The following SUPT3H variants were observed in gnomAD, a reference collection of about 807,000 sequenced individuals.
SUPT3H encodes SPT3 homolog, SAGA and STAGA complex component, also known as transcription initiation protein SPT3 homolog.
In SUPT3H, 44 loss-of-function variants were observed where a neutral mutation model predicts 44.3. That is an observed-to-expected ratio of 0.99 (90% CI 0.78 to 1.28). The LOEUF (loss-of-function observed/expected upper bound fraction) is 1.28. Among genes scored for constraint, SUPT3H ranks in the 50% most tolerant of loss-of-function variants. SUPT3H has a pLI of 0.00. For missense variants in SUPT3H, 380 were observed against 387.1 expected (o/e 0.98, Z 0.15); for synonymous variants, 124 against 125.6 (o/e 0.99, Z 0.09).
chr6:44,930,522 C>T (rs1398339880), intron 10 of SUPT3H, among the ~76,000 whole-genome samples: 1 of 143,476 alleles, frequency 7.0e-6, no homozygotes, highest in Non-Finnish European at 1.5e-5. Context: ...TGAGATCGTA[C>T]CAATGCACTC....
intron 3 of SUPT3H, among the ~76,000 whole-genome samples, chr6:45,029,463 A>G (rs1310322028): frequency 6.6e-6 from 1 of 151,690 alleles, no homozygotes; most frequent in Non-Finnish European, 1.5e-5. Flanking sequence ...AAAATATCCA[A>G]TAAACAATAA....
At chr6:45,267,809 G>GA (rs1416699720) in intron 2 of SUPT3H, among the ~76,000 whole-genome samples, 1 of 150,100 alleles carries the variant, frequency 6.7e-6, no homozygotes, top group East Asian at 1.9e-4. Context: ...AAAAGAAAAA[G>GA]AAAAAAAGCA....
intron 2 of SUPT3H, among the ~76,000 whole-genome samples, chr6:45,299,750 G>C (rs1217572908): frequency 3.7e-5 from 5 of 135,500 alleles, no homozygotes; most frequent in African/African-American, 1.4e-4. Flanking sequence ...CCCCGGCTCT[G>C]CCAAAAAAAA....
At chr6:44,833,697 G>A (rs1769286191) in intron 10 of SUPT3H, among the ~76,000 whole-genome samples, 1 of 152,052 alleles carries the variant, frequency 6.6e-6, no homozygotes, top group African/African-American at 2.4e-5. Context: ...TAGTAAAAGA[G>A]TAGATTTTGG....
At chr6:45,003,582 G>C in intron 6 of SUPT3H, 71 bp downstream of exon 6, 1 of 1,527,538 alleles carries the variant, frequency 6.5e-7, no homozygotes, top group Middle Eastern at 2.2e-4. Context: ...AAGAACATGA[G>C]AATAGGACCA....
In SUPT3H at chr6:45,053,740, C is replaced by CAA. The variant is rs57736879; in HGVS notation, c.187-33110_187-33109dup. ...GGTGAAACCCCATCTACTAAAAATA[C>CAA]AAAAAAAAAAAAAAAAAAAAAAAAA... On this transcript the variant is annotated intron_variant, in intron 3 of 10. Transcript: ENST00000371459. 2.1e-3 allele frequency among the ~76,000 whole-genome samples: 125 copies of CAA among 59,432 alleles called. 1 individual carries two copies. The East Asian group carries it at 0.025, about 12-fold the overall frequency. 39.0% of individuals were successfully genotyped at this position (59,432 alleles called of 152,430 possible). A position where few individuals can be genotyped will look rare whatever the true frequency, so the allele number is the denominator to read the frequency against.
intron 2 of SUPT3H, among the ~76,000 whole-genome samples, chr6:45,185,951 A>C (rs932182370): frequency 2.0e-5 from 3 of 152,208 alleles, no homozygotes; most frequent in Non-Finnish European, 2.9e-5. Context: ...GAAGGAATGC[A>C]GAGCTGGTGG....
At chr6:45,330,910 T>C (rs1174706403) in intron 2 of SUPT3H, among the ~76,000 whole-genome samples, 1 of 151,986 alleles carries the variant, frequency 6.6e-6, no homozygotes, top group Non-Finnish European at 1.5e-5. Context: ...CATTTCCCCA[T>C]TCTATAATCT....
At chr6:44,899,295 G>A (rs536832201) in intron 10 of SUPT3H, 9 of 152,330 alleles carry the variant, frequency 5.9e-5, no homozygotes, top group African/African-American at 2.2e-4. Flanking sequence ...AGAGTCACTT[G>A]TAAGGTGCTG....
chr6:45,278,673 CA>C (rs1347146792), intron 2 of SUPT3H, among the ~76,000 whole-genome samples: 1 of 152,102 alleles, frequency 6.6e-6, no homozygotes, highest in East Asian at 1.9e-4. Context: ...AATGTCATTG[CA>C]AAAGAATTAA....
intron 2 of SUPT3H, among the ~76,000 whole-genome samples, chr6:45,334,868 C>T (rs562336257): frequency 2.3e-4 from 35 of 151,250 alleles, no homozygotes; most frequent in South Asian, 2.1e-4. Flanking sequence ...AAACCAGTAA[C>T]AGGGATTAGG....
At chr6:45,242,518 A>G (rs1477164379) in intron 2 of SUPT3H, among the ~76,000 whole-genome samples, 2 of 152,202 alleles carry the variant, frequency 1.3e-5, no homozygotes, top group Non-Finnish European at 2.9e-5. Context: ...GAGACACTTA[A>G]GTTCACACCA....
chr6:44,990,318 T>A (rs1040635824), intron 6 of SUPT3H, among the ~76,000 whole-genome samples: 1 of 152,144 alleles, frequency 6.6e-6, no homozygotes, highest in African/African-American at 2.4e-5. Context: ...TTCTGGGCTT[T>A]CTGTTCCATT....
intron 3 of SUPT3H, among the ~76,000 whole-genome samples, chr6:45,082,395 T>A (rs1307090545): frequency 6.6e-6 from 1 of 152,104 alleles, no homozygotes; most frequent in Non-Finnish European, 1.5e-5. Flanking sequence ...ACAAAAATCA[T>A]TAACAAAATA....
intron 2 of SUPT3H, among the ~76,000 whole-genome samples, chr6:45,269,775 A>G (rs73441195): frequency 1.5e-3 from 224 of 152,338 alleles, no homozygotes; most frequent in African/African-American, 5.3e-3. Context: ...AATTTTATTG[A>G]GATATAACTC....
chr6:45,141,447 A>G (rs915893373), intron 2 of SUPT3H, among the ~76,000 whole-genome samples: 2 of 151,302 alleles, frequency 1.3e-5, no homozygotes, highest in African/African-American at 2.4e-5. Flanking sequence ...AGTTTTTTTT[A>G]AAAGTACAGC....
intron 2 of SUPT3H, among the ~76,000 whole-genome samples, chr6:45,308,630 A>G (rs1299485311): frequency 6.6e-6 from 1 of 152,196 alleles, no homozygotes; most frequent in Non-Finnish European, 1.5e-5. Context: ...ATTAGGAGAT[A>G]TAACTAATGT....
chr6:45,256,229 T>C (rs1773378496), intron 2 of SUPT3H, among the ~76,000 whole-genome samples: 1 of 152,198 alleles, frequency 6.6e-6, no homozygotes, highest in African/African-American at 2.4e-5. Context: ...TGTCATGGTC[T>C]GTTCAGCCTG....
chr6:45,351,965 C>T (rs1361508216), intron 2 of SUPT3H, among the ~76,000 whole-genome samples: 1 of 152,144 alleles, frequency 6.6e-6, no homozygotes, highest in Non-Finnish European at 1.5e-5. Flanking sequence ...CTTTCTGTCC[C>T]TAATTCTACC....
Sources: gnomAD v4.1 joint callset for allele counts (sites outside exome capture counted in the v4.1 genomes callset) on GRCh38, gnomAD v4.1.1 for gene constraint, MANE v1.5 for transcripts, NCBI Gene and HGNC (gene_info 2026-07-23, HGNC 2026-07-21) for gene names.